TLE6: variants seen among roughly 807,000 people sequenced by gnomAD.
TLE6 encodes the protein transducin-like enhancer protein 6.
In TLE6, 72 loss-of-function variants were observed where a neutral mutation model predicts 77.1. That is an observed-to-expected ratio of 0.93 (90% CI 0.77 to 1.14). The LOEUF (loss-of-function observed/expected upper bound fraction) is 1.14. Ranked by LOEUF, TLE6 falls within the 50% of genes most tolerant of loss-of-function variation. The probability of loss-of-function intolerance (pLI) is 0.00; values close to 1 mark genes in which losing one functional copy is unlikely to be tolerated. For synonymous variants in TLE6, 366 were observed against 287.3 expected (o/e 1.27, Z -2.77); for missense variants, 843 against 747.6 (o/e 1.13, Z -1.49).
intron 14 of TLE6, among the ~76,000 whole-genome samples, chr19:2,993,047 A>C (rs943632663): frequency 6.7e-6 from 1 of 150,334 alleles, no homozygotes; most frequent in Non-Finnish European, 1.5e-5. Context: ...AAAAAAAAAA[A>C]AAAAAACAGA....
chr19:2,989,929 C>A, intron 13 of TLE6, 144 bp downstream of exon 13: 2 of 1,163,150 alleles, frequency 1.7e-6, no homozygotes, highest in Non-Finnish European at 1.2e-6. Context: ...AAACCCCTTG[C>A]CCCCTTGAAC....
In TLE6 at chr19:2,991,949, A is replaced by C; in HGVS notation, c.1351A>C (p.Ile451Leu). The C allele has an allele frequency of 6.2e-7, 1 of 1,613,926 alleles. No individual in the cohort carries two copies. The highest frequency in any genetic ancestry group is 8.5e-7 in the Non-Finnish European group (1 of 1,179,998). Residue 451 changes from isoleucine to leucine, a missense_variant, in exon 14 of 17, where the codon ATC becomes CTC. Physicochemically the swap from Ile to Leu is conservative, Grantham distance 5. Coordinates refer to ENST00000246112, the MANE Select transcript of TLE6 (RefSeq NM_001143986.2). ...TCTGCGGTGCTGGGACCAGAGGACC[A>C]TCATGAAACCTCTGGAGTACCAATT... Reference protein sequence around the residue: ...ACLRCWDQRTIMKPLEYQFKS... With the variant: ...ACLRCWDQRTLMKPLEYQFKS...
At chr19:2,980,628 T>C (rs112659346) in intron 3 of TLE6, among the ~76,000 whole-genome samples, 5,702 of 150,814 alleles carry the variant, frequency 0.038, 308 homozygotes, top group African/African-American at 0.12. Flanking sequence ...CCCAACTACT[T>C]GGGAAACTGA....
intron 16 of TLE6, among the ~76,000 whole-genome samples, 156 bp downstream of exon 16, chr19:2,994,251 A>AG (rs2089157155): frequency 6.6e-6 from 1 of 151,594 alleles, no homozygotes; most frequent in African/African-American, 2.4e-5. Context: ...TGAGGCAGGA[A>AG]GATCTCTTAA....
At position 2,987,757 on chromosome 19, in the gene TLE6, C is replaced by A; in HGVS notation, c.592C>A (p.Pro198Thr). The change falls in exon 9 of 17, where the codon CCA becomes ACA. Residue 198 changes from proline to threonine, a missense_variant. By Grantham distance (38) the Pro-to-Thr change is conservative. Transcript: ENST00000246112. ...QESKAPGSCD[P>T]GTDPCPEDAS... ...AAGCAAGGCACCAGGATCCTGTGAC[C>A]CAGGAACAGACCCATGTCCTGAAGA... 6.2e-7 allele frequency: 1 copy of A among 1,614,162 alleles called. No individual in the cohort carries two copies. Among genetic ancestry groups the A allele is most frequent in the Non-Finnish European group, 8.5e-7 (1 of 1,180,024 alleles).
At position 2,989,512 on chromosome 19, in the gene TLE6, C is replaced by G. The variant is rs1255850664; in HGVS notation, c.994-23C>G. ...CAGAATGCCACGGGGGGCGACAGCTCACAGTGACTCTGCCCATCCCAGACC... is the reference window on the plus strand; with the variant it reads ...CAGAATGCCACGGGGGGCGACAGCTGACAGTGACTCTGCCCATCCCAGACC... On this transcript the variant is annotated intron_variant, in intron 12 of 16. Coordinates refer to ENST00000246112, the MANE Select transcript of TLE6 (RefSeq NM_001143986.2). 8 of 1,601,350 alleles carry G rather than the reference C, an allele frequency of 5.0e-6. No homozygotes were observed. The South Asian group carries it at 8.9e-5, about 18-fold the overall frequency.
chr19:2,984,268 G>A (rs1172808703), intron 5 of TLE6: 2 of 152,156 alleles, frequency 1.3e-5, no homozygotes, highest in East Asian at 3.9e-4. Context: ...GGCTCCCCTG[G>A]GATTTGCTGC....
rs954411378 is a variant in TLE6, at chr19:2,988,819, GT to G, written c.741-240del. ...CTAGGACCATAAAGGATGAATAGGAGTTCTTCCTCCTGGGGCAAAGCAGTCT... is the reference window on the plus strand; with the variant it reads ...CTAGGACCATAAAGGATGAATAGGAGTCTTCCTCCTGGGGCAAAGCAGTCT... On this transcript the variant is annotated intron_variant, in intron 11 of 16. Transcript: ENST00000246112. 1.2e-5 allele frequency: 7 copies of G among 597,110 alleles called. No homozygotes were observed. The Admixed American group carries it at 1.5e-4, about 13-fold the overall frequency. The allele number at this position is 597,110 out of a possible 1,614,324, so 37.0% of individuals were successfully genotyped here.
intron 5 of TLE6, among the ~76,000 whole-genome samples, chr19:2,982,699 G>A (rs981779930): frequency 2.6e-5 from 4 of 152,036 alleles, no homozygotes; most frequent in Non-Finnish European, 2.9e-5. Flanking sequence ...GCCCTGACTT[G>A]GAAGCCCCCG....
At chr19:2,980,339 A>G (rs1472296807) in intron 3 of TLE6, 157 bp downstream of exon 3, 5 of 506,126 alleles carry the variant, frequency 9.9e-6, no homozygotes, top group Non-Finnish European at 1.8e-5. Context: ...AGAACCCGGC[A>G]ATACCCATCC....
intron 4 of TLE6, 32 bp from the exon 5 acceptor site, chr19:2,982,116 C>T: frequency 1.3e-6 from 2 of 1,551,544 alleles, no homozygotes; most frequent in Non-Finnish European, 1.7e-6. Flanking sequence ...CCCGGACCAC[C>T]TCCCGATGGG....
chr19:2,994,680 T>C (rs913539854), intron 16 of TLE6, among the ~76,000 whole-genome samples: 5 of 152,174 alleles, frequency 3.3e-5, no homozygotes, highest in African/African-American at 1.2e-4. Context: ...GGTGCACACC[T>C]GCGGTCCCAG....
rs757334310 is a variant in TLE6 at position 2,994,140 on chromosome 19, G to A, written c.1614+45G>A. 32 of 1,526,636 alleles carry A rather than the reference G, an allele frequency of 2.1e-5. No homozygotes were observed. In the South Asian group the frequency reaches 3.8e-4, roughly 18 times the overall value. 94.6% of individuals were successfully genotyped at this position (1,526,636 alleles called of 1,614,324 possible). On this transcript the variant is annotated intron_variant, in intron 16 of 16. Coordinates refer to ENST00000246112, the MANE Select transcript of TLE6 (RefSeq NM_001143986.2). ...GCAGGACCCGGGGGTGGCCCCAAAG[G>A]GACCAGCCTGGGCAACACAGCAAGA...
At chr19:2,987,575 T>C in intron 8 of TLE6, 149 bp from the exon 9 acceptor site, 3 of 1,105,068 alleles carry the variant, frequency 2.7e-6, no homozygotes, top group Non-Finnish European at 4.0e-6. Flanking sequence ...CAGGACCCTA[T>C]ACCCTGACTC....
chr19:2,984,777 A>G (rs1469303778), intron 5 of TLE6, among the ~76,000 whole-genome samples: 1 of 151,976 alleles, frequency 6.6e-6, no homozygotes, highest in Non-Finnish European at 1.5e-5. Context: ...CAATTTCTTT[A>G]TACTTTGAAC....
At chr19:2,978,566 G>C (rs528773551) in intron 2 of TLE6, among the ~76,000 whole-genome samples, 2 of 152,086 alleles carry the variant, frequency 1.3e-5, no homozygotes, top group Non-Finnish European at 2.9e-5. Context: ...CCTGGACAAC[G>C]TAGTGAGACC....
intron 13 of TLE6, among the ~76,000 whole-genome samples, chr19:2,991,375 C>CATAT (rs1568217982): frequency 1.9e-5 from 1 of 52,860 alleles, no homozygotes; most frequent in South Asian, 6.2e-4. Flanking sequence ...AAAAAAAATA[C>CATAT]GTATATATAT....
intron 4 of TLE6, 147 bp from the exon 5 acceptor site, chr19:2,982,001 T>C: frequency 5.4e-6 from 4 of 742,808 alleles, no homozygotes; most frequent in Non-Finnish European, 4.6e-6. Context: ...TACATCAGTG[T>C]AGTAAGAAAG....
chr19:2,993,157 A>G (rs1180890235), intron 14 of TLE6, among the ~76,000 whole-genome samples: 2 of 151,952 alleles, frequency 1.3e-5, no homozygotes, highest in Non-Finnish European at 2.9e-5. Flanking sequence ...CGTTGTCGTA[A>G]GCCGAGATCG....
Sources: gnomAD v4.1 joint callset for allele counts (sites outside exome capture counted in the v4.1 genomes callset) on GRCh38, gnomAD v4.1.1 for gene constraint, MANE v1.5 for transcripts, NCBI Gene and HGNC (gene_info 2026-07-23, HGNC 2026-07-21) for gene names.